Variants in AMIGO1 observed in about 807,000 individuals in gnomAD.
AMIGO1 encodes adhesion molecule with Ig like domain 1.
For missense variants in AMIGO1, 361 were observed against 612.3 expected (o/e 0.59, Z 4.33); for synonymous variants, 249 against 266.3 (o/e 0.93, Z 0.63).
rs1356552879 is a variant in AMIGO1, at chr1:109,504,682, C to T, written c.*2749G>A. On this transcript the variant is annotated 3_prime_UTR_variant, in exon 2 of 2. Coordinates refer to ENST00000369864, the MANE Select transcript of AMIGO1 (RefSeq NM_020703.4). ...TACCTTTGGGTTCTATCACCTGAAA[C>T]CACGGGAAGAAACAAATCAAATCTC... 1 of 152,172 alleles carries T rather than the reference C, an allele frequency of 6.6e-6. No individual in the cohort carries two copies. The highest frequency in any genetic ancestry group is 1.5e-5 in the Non-Finnish European group (1 of 68,044). 9.4% of individuals were successfully genotyped at this position (152,172 alleles called of 1,614,324 possible). A position where few individuals can be genotyped will look rare whatever the true frequency, so the allele number is the denominator to read the frequency against.
rs1188010012 is a variant in AMIGO1 at position 109,505,578 on chromosome 1, C to G, written c.*1853G>C. ...GGTACTTGAGGGAAATGCTGCACCT[C>G]TCTCTCAACAAAACTAGGTTACTAA... is the stretch of plus-strand genomic sequence containing the variant. On this transcript the variant is annotated 3_prime_UTR_variant, in exon 2 of 2. Coordinates refer to ENST00000369864, the MANE Select transcript of AMIGO1 (RefSeq NM_020703.4). The G allele has an allele frequency of 2.0e-5, 3 of 152,272 alleles. No homozygotes were observed. Among genetic ancestry groups the G allele is most frequent in the South Asian group, 4.1e-4 (2 of 4,820 alleles). 9.4% of individuals were successfully genotyped at this position (152,272 alleles called of 1,614,324 possible).
At position 109,505,596 on chromosome 1, in the gene AMIGO1, G is replaced by A. The variant is rs913674820; in HGVS notation, c.*1835C>T. 2.0e-5 allele frequency: 3 copies of A among 152,184 alleles called. No homozygotes were observed. The highest frequency in any genetic ancestry group is 7.2e-5 in the African/African-American group (3 of 41,430). 9.4% of individuals were successfully genotyped at this position (152,184 alleles called of 1,614,324 possible). On this transcript the variant is annotated 3_prime_UTR_variant, in exon 2 of 2. Coordinates refer to ENST00000369864, the MANE Select transcript of AMIGO1 (RefSeq NM_020703.4). ...TGCACCTCTCTCTCAACAAAACTAG[G>A]TTACTAATAAAGGATGGACAGCAGT...
rs1239874615 is a variant in AMIGO1 at position 109,508,409 on chromosome 1, G to A, written c.504C>T (p.Asn168=). The A allele has an allele frequency of 2.5e-6, 4 of 1,614,110 alleles. No individual in the cohort carries two copies. In the Admixed American group the frequency reaches 6.7e-5, roughly 27 times the overall value. Residue 168 remains asparagine, a synonymous_variant, in exon 2 of 2, where the codon AAC becomes AAT. Coordinates refer to ENST00000369864, the MANE Select transcript of AMIGO1 (RefSeq NM_020703.4). The surrounding 1 kb of genome is among the most constrained non-coding windows in gnomAD (Gnocchi z 7.8). ...AQLQKLYLSQ[N]QISRFPLELV... The stretch of plus-strand genomic sequence containing the variant: ...GTTCCAGAGGGAAGCGAGAGATCTG[G>A]TTCTGGCTCAAGTAGAGTTTCTGCA...
rs1657964403 is a variant in AMIGO1 at position 109,504,270 on chromosome 1, G to C, written c.*3161C>G. 1 of 152,230 alleles carries C rather than the reference G, an allele frequency of 6.6e-6. No individual in the cohort carries two copies. The highest frequency in any genetic ancestry group is 1.5e-5 in the Non-Finnish European group (1 of 68,056). 9.4% of individuals were successfully genotyped at this position (152,230 alleles called of 1,614,324 possible). A position where few individuals can be genotyped will look rare whatever the true frequency, so the allele number is the denominator to read the frequency against. Reference sequence around the variant, plus strand: ...GATTTGCCAGCCTAGGTGTACACAAGTGGGAGGAATGGGGTCTTGGACACG... The same window carrying C: ...GATTTGCCAGCCTAGGTGTACACAACTGGGAGGAATGGGGTCTTGGACACG... On this transcript the variant is annotated 3_prime_UTR_variant, in exon 2 of 2. Coordinates refer to ENST00000369864, the MANE Select transcript of AMIGO1 (RefSeq NM_020703.4).
chr1:109,508,432 G>C lies in AMIGO1; in HGVS notation c.481C>G (p.Gln161Glu). The change falls in exon 2 of 2, where the codon CAG becomes GAG. Residue 161 changes from glutamine to glutamate, a missense_variant. Physicochemically the swap from Gln to Glu is conservative, Grantham distance 29. Coordinates refer to ENST00000369864, the MANE Select transcript of AMIGO1 (RefSeq NM_020703.4). This position sits in a 1 kb window ranked among gnomAD's most constrained non-coding sequence, Gnocchi z 7.8. The stretch of plus-strand genomic sequence containing the variant: ...TGGTTCTGGCTCAAGTAGAGTTTCT[G>C]CAGCTGGGCCATGTCATCGAAGGCG... ...RCAFDDMAQL[Q>E]KLYLSQNQIS... 6.2e-7 allele frequency: 1 copy of C among 1,614,148 alleles called. No homozygotes were observed.
At position 109,504,518 on chromosome 1, in the gene AMIGO1, G is replaced by A. The variant is rs1657969979; in HGVS notation, c.*2913C>T. ...GGGACACCTGCTTCCTGGGAGACAT[G>A]TCTGGTTTATGGGTGTGGGGTAGGG... On this transcript the variant is annotated 3_prime_UTR_variant, in exon 2 of 2. Coordinates refer to ENST00000369864, the MANE Select transcript of AMIGO1 (RefSeq NM_020703.4). The A allele has an allele frequency of 6.6e-6, 1 of 152,182 alleles. No homozygotes were observed. The highest frequency in any genetic ancestry group is 6.5e-5 in the Admixed American group (1 of 15,278). 9.4% of individuals were successfully genotyped at this position (152,182 alleles called of 1,614,324 possible). A position where few individuals can be genotyped will look rare whatever the true frequency, so the allele number is the denominator to read the frequency against.
Position 109,508,099 on chromosome 1 carries a change from C to G in AMIGO1, c.814G>C (p.Glu272Gln). Reference sequence around the variant, plus strand: ...GCCTCCCAGGCACGCTCCTTGTACTCGCCACAGTTGAGGAAACTCAGGTTG... The same window carrying G: ...GCCTCCCAGGCACGCTCCTTGTACTGGCCACAGTTGAGGAAACTCAGGTTG... ...VFNLSFLNCG[E>Q]YKERAWEAHL... Residue 272 changes from glutamate to glutamine, a missense_variant, in exon 2 of 2, where the codon GAG becomes CAG. By Grantham distance (29) the Glu-to-Gln change is conservative. Transcript: ENST00000369864. This position sits in a 1 kb window ranked among gnomAD's most constrained non-coding sequence, Gnocchi z 7.8. 2 of 1,614,178 alleles carry G rather than the reference C, an allele frequency of 1.2e-6. No homozygotes were observed. Among genetic ancestry groups the G allele is most frequent in the South Asian group, 1.1e-5 (1 of 91,086 alleles).
In AMIGO1 at chr1:109,508,655, G is replaced by T; in HGVS notation, c.258C>A (p.Thr86=). ...LRAEWTPTRL[T]QLHSLLLSHN... The stretch of plus-strand genomic sequence containing the variant: ...GGCTCAGCAGCAGGGAGTGCAGTTG[G>T]GTCAGGCGCGTGGGGGTCCACTCGG... The change falls in exon 2 of 2, where the codon ACC becomes ACA. Residue 86 remains threonine (T), a synonymous_variant. Transcript: ENST00000369864. This position sits in a 1 kb window ranked among gnomAD's most constrained non-coding sequence, Gnocchi z 7.8. 3 of 1,614,166 alleles carry T rather than the reference G, an allele frequency of 1.9e-6. No individual in the cohort carries two copies. The highest frequency in any genetic ancestry group is 2.5e-6 in the Non-Finnish European group (3 of 1,180,026).
In AMIGO1 at chr1:109,505,116, T is replaced by C. The variant is rs933035805; in HGVS notation, c.*2315A>G. 1.3e-5 allele frequency: 2 copies of C among 152,246 alleles called. No individual in the cohort carries two copies. Among genetic ancestry groups the C allele is most frequent in the Non-Finnish European group, 2.9e-5 (2 of 68,046 alleles). 9.4% of individuals were successfully genotyped at this position (152,246 alleles called of 1,614,324 possible). On this transcript the variant is annotated 3_prime_UTR_variant, in exon 2 of 2. Coordinates refer to ENST00000369864, the MANE Select transcript of AMIGO1 (RefSeq NM_020703.4). ...GAGCAGCTCACAGCTACTTAGCCCC[T>C]TGCCAGTTTCCTTCTGAGTCCTTCA...
In AMIGO1 at chr1:109,508,088, C is replaced by T; in HGVS notation, c.825G>A (p.Glu275=). ...CACCCAGGTGGGCCTCCCAGGCACG[C>T]TCCTTGTACTCGCCACAGTTGAGGA... ...LSFLNCGEYK[E]RAWEAHLGDT... Residue 275 remains glutamate, a synonymous_variant, in exon 2 of 2, where the codon GAG becomes GAA. Transcript: ENST00000369864. The surrounding 1 kb of genome is among the most constrained non-coding windows in gnomAD (Gnocchi z 7.8). 6.2e-7 allele frequency: 1 copy of T among 1,614,176 alleles called. No homozygotes were observed. The highest frequency in any genetic ancestry group is 1.7e-5 in the Admixed American group (1 of 60,024).
chr1:109,507,391 A>T lies in AMIGO1; in HGVS notation c.*40T>A. 2 of 1,553,866 alleles carry T rather than the reference A, an allele frequency of 1.3e-6. No homozygotes were observed. The highest frequency in any genetic ancestry group is 4.5e-5 in the East Asian group (2 of 44,318). On this transcript the variant is annotated 3_prime_UTR_variant, in exon 2 of 2. Transcript: ENST00000369864. This position sits in a 1 kb window ranked among gnomAD's most constrained non-coding sequence, Gnocchi z 4.7. ...CCCTCATATCCTTCAGGGGTGCATT[A>T]CCTCTCCTGGGGCAGAATCTCCCCA... is the stretch of plus-strand genomic sequence containing the variant.
At position 109,508,211 on chromosome 1, in the gene AMIGO1, T is replaced by C; in HGVS notation, c.702A>G (p.Ser234=). ...NCDCELYQLF[S]HWQYRQLSSV... ...AGCTCAGCTGCCGATACTGCCAGTGTGAAAACAGCTGGTAGAGCTCACAGT... is the reference window on the plus strand; with the variant it reads ...AGCTCAGCTGCCGATACTGCCAGTGCGAAAACAGCTGGTAGAGCTCACAGT... Residue 234 remains serine (S), a synonymous_variant, in exon 2 of 2, where the codon TCA becomes TCG. Coordinates refer to ENST00000369864, the MANE Select transcript of AMIGO1 (RefSeq NM_020703.4). This position sits in a 1 kb window ranked among gnomAD's most constrained non-coding sequence, Gnocchi z 7.8. 1 of 1,614,134 alleles carries C rather than the reference T, an allele frequency of 6.2e-7. No homozygotes were observed. The highest frequency in any genetic ancestry group is 8.5e-7 in the Non-Finnish European group (1 of 1,180,038).
At position 109,507,197 on chromosome 1, in the gene AMIGO1, C is replaced by T; in HGVS notation, c.*234G>A. ...CTTCCTCTACCACACTGAGAATTGG[C>T]AGGGCTTTGGGTACGGGTGTAGCAT... On this transcript the variant is annotated 3_prime_UTR_variant, in exon 2 of 2. Transcript: ENST00000369864. This position sits in a 1 kb window ranked among gnomAD's most constrained non-coding sequence, Gnocchi z 4.7. 1 of 502,524 alleles carries T rather than the reference C, an allele frequency of 2.0e-6. No homozygotes were observed. The highest frequency in any genetic ancestry group is 3.5e-6 in the Non-Finnish European group (1 of 286,346). The allele number at this position is 502,524 out of a possible 1,614,324, so 31.1% of individuals were successfully genotyped here.
In AMIGO1 at chr1:109,508,319, C is replaced by T. The variant is rs1658077945; in HGVS notation, c.594G>A (p.Lys198=). The T allele has an allele frequency of 6.2e-7, 1 of 1,614,074 alleles. No individual in the cohort carries two copies. The highest frequency in any genetic ancestry group is 8.5e-7 in the Non-Finnish European group (1 of 1,179,994). The change falls in exon 2 of 2, where the codon AAG becomes AAA. Residue 198 remains lysine, a synonymous_variant. Transcript: ENST00000369864. This position sits in a 1 kb window ranked among gnomAD's most constrained non-coding sequence, Gnocchi z 7.8. The part of the protein sequence containing the change: ...TLLDLSSNKL[K]NLPLPDLQKL... ...TCTGCAGGTCAGGCAATGGCAAGTT[C>T]TTCAGCTTGTTAGAAGAGAGATCCA...
chr1:109,507,723 C>A lies in AMIGO1; in HGVS notation c.1190G>T (p.Arg397Leu). 1 of 1,614,100 alleles carries A rather than the reference C, an allele frequency of 6.2e-7. No individual in the cohort carries two copies. Among genetic ancestry groups the A allele is most frequent in the Non-Finnish European group, 8.5e-7 (1 of 1,180,014 alleles). Reference protein sequence around the residue: ...VLIYLYLTPCRCWCRGVEKPS... With the variant: ...VLIYLYLTPCLCWCRGVEKPS... The stretch of plus-strand genomic sequence containing the variant: ...CTTCTCTACACCCCGGCACCAGCAG[C>A]GGCAAGGGGTGAGGTATAGGTATAT... Residue 397 changes from arginine to leucine, a missense_variant, in exon 2 of 2, where the codon CGC (arginine) becomes CTC (leucine). Transcript: ENST00000369864. This position sits in a 1 kb window ranked among gnomAD's most constrained non-coding sequence, Gnocchi z 4.7.
chr1:109,505,345 A>G lies in AMIGO1; in HGVS notation c.*2086T>C, dbSNP rs1240909143. 1 of 152,156 alleles carries G rather than the reference A, an allele frequency of 6.6e-6. No homozygotes were observed. Among genetic ancestry groups the G allele is most frequent in the East Asian group, 1.9e-4 (1 of 5,198 alleles). The allele number at this position is 152,156 out of a possible 1,614,324, so 9.4% of individuals were successfully genotyped here. ...GGGTGAAGCTTCAGGGAGTTCAGAA[A>G]TGAAAATACAGGAGTGTGTATTTGA... On this transcript the variant is annotated 3_prime_UTR_variant, in exon 2 of 2. Coordinates refer to ENST00000369864, the MANE Select transcript of AMIGO1 (RefSeq NM_020703.4).
Position 109,508,682 on chromosome 1 carries a change from C to T in AMIGO1, c.231G>A (p.Arg77=). 1 of 1,614,104 alleles carries T rather than the reference C, an allele frequency of 6.2e-7. No individual in the cohort carries two copies. ...DLSHNNLSRL[R]AEWTPTRLTQ... ...TCAGGCGCGTGGGGGTCCACTCGGC[C>T]CGCAGGCGGCTCAGGTTGTTGTGAC... The change falls in exon 2 of 2, where the codon CGG becomes CGA. Residue 77 remains arginine, a synonymous_variant. Transcript: ENST00000369864. This position sits in a 1 kb window ranked among gnomAD's most constrained non-coding sequence, Gnocchi z 7.8.
At chr1:109,509,110 A>T in intron 1 of AMIGO1, 111 bp from the exon 2 acceptor site, 1 of 633,082 alleles carries the variant, frequency 1.6e-6, no homozygotes, top group Middle Eastern at 4.3e-4. Flanking sequence ...TAGGAGAGAG[A>T]GATGCTGGGT....
At position 109,504,783 on chromosome 1, in the gene AMIGO1, A is replaced by G. The variant is rs1359070834; in HGVS notation, c.*2648T>C. 6.6e-6 allele frequency: 1 copy of G among 152,220 alleles called. No homozygotes were observed. The highest frequency in any genetic ancestry group is 1.5e-5 in the Non-Finnish European group (1 of 68,036). 9.4% of individuals were successfully genotyped at this position (152,220 alleles called of 1,614,324 possible). On this transcript the variant is annotated 3_prime_UTR_variant, in exon 2 of 2. Coordinates refer to ENST00000369864, the MANE Select transcript of AMIGO1 (RefSeq NM_020703.4). ...ACTAGTGGATATAGTCAGGAGACTT[A>G]AGAGCCACAGGGCCTTTTCTCATTC...
Sources: allele counts gnomAD v4.1 joint callset, GRCh38; gene constraint gnomAD v4.1.1; non-coding constraint Gnocchi (gnomAD v3.1); transcripts MANE v1.5; gene names NCBI Gene and HGNC (gene_info 2026-07-23, HGNC 2026-07-21).